FBXL13: variants seen among roughly 807,000 people sequenced by gnomAD.
FBXL13 encodes the protein F-box and leucine rich repeat protein 13, also known as F-box and leucine-rich repeat protein 13.
Under a neutral mutation model 83.6 loss-of-function variants are expected in FBXL13, and 67 were observed. That is an observed-to-expected ratio of 0.80 (90% CI 0.66 to 0.98). FBXL13 has a LOEUF of 0.98. Ranked by LOEUF, FBXL13 falls within the 50% of genes least tolerant of loss-of-function variation. The pLI is 0.00. For missense variants in FBXL13, 822 were observed against 866.5 expected (o/e 0.95, Z 0.64); for synonymous variants, 272 against 299.5 (o/e 0.91, Z 0.95).
At position 102,915,124 on chromosome 7, in the gene FBXL13, T is replaced by TATC. The variant is rs778077563; in HGVS notation, c.879-1910_879-1909insGAT. 8.3e-4 allele frequency among the ~76,000 whole-genome samples: 114 copies of TATC among 137,844 alleles called. 1 individual carries two copies. Among genetic ancestry groups the TATC allele is most frequent in the African/African-American group, 3.3e-3 (114 of 34,328 alleles). The allele number at this position is 137,844 out of a possible 152,430, so 90.4% of individuals were successfully genotyped here. ...ATTTGTTAAGTGGAGATTAAAATAT[T>TATC]TTTTTTTTTTTTTTTTTTACACTGA... On this transcript the variant is annotated intron_variant, in intron 10 of 19. Transcript: ENST00000313221.
At position 103,027,447 on chromosome 7, in the gene FBXL13, A is replaced by G. The variant is rs746676214; in HGVS notation, c.327+2T>C. The G allele has an allele frequency of 8.1e-6, 13 of 1,600,762 alleles. No individual in the cohort carries two copies. In the South Asian group the frequency reaches 1.3e-4, roughly 16 times the overall value. On this transcript the variant is annotated splice_donor_variant, in intron 5 of 19. Transcript: ENST00000313221. LOFTEE classifies it high-confidence loss of function. ...TTAAAAAATTGTTTCAATATACAAT[A>G]CCAGCTCATCTTCTTTCTTTTTACT...
At chr7:102,927,347 CTG>C (rs1203976740) in intron 9 of FBXL13, among the ~76,000 whole-genome samples, 4 of 152,140 alleles carry the variant, frequency 2.6e-5, no homozygotes, top group African/African-American at 9.7e-5. Flanking sequence ...ATCTATCTGT[CTG>C]GAAGAGGTAA....
At chr7:102,876,386 C>G (rs1809265164) in intron 16 of FBXL13, among the ~76,000 whole-genome samples, 1 of 152,116 alleles carries the variant, frequency 6.6e-6, no homozygotes, top group African/African-American at 2.4e-5. Flanking sequence ...CTCCATGGTA[C>G]TGCTTCCTAC....
intron 8 of FBXL13, among the ~76,000 whole-genome samples, chr7:102,960,369 G>A (rs1226226546): frequency 6.6e-6 from 1 of 152,048 alleles, no homozygotes; most frequent in Admixed American, 6.6e-5. Flanking sequence ...AAGAGTCCAG[G>A]ACCAGATGGA....
intron 6 of FBXL13, among the ~76,000 whole-genome samples, chr7:103,008,559 CT>C (rs1554498730): frequency 1.3e-5 from 2 of 151,732 alleles, no homozygotes; most frequent in South Asian, 2.1e-4. Flanking sequence ...ATATAATTGA[CT>C]TTTTTTTTCT....
At chr7:102,959,137 C>T (rs1046758674) in intron 8 of FBXL13, among the ~76,000 whole-genome samples, 1 of 152,046 alleles carries the variant, frequency 6.6e-6, no homozygotes, top group Non-Finnish European at 1.5e-5. Context: ...AATCAATTGA[C>T]AAGCTATTAA....
At chr7:103,024,833 G>GTA (rs1232363692) in intron 6 of FBXL13, among the ~76,000 whole-genome samples, 1,540 of 95,838 alleles carry the variant, frequency 0.016, 29 homozygotes, top group Non-Finnish European at 0.02. Flanking sequence ...ATATATATGT[G>GTA]TATATATATA....
chr7:102,934,204 GAAC>G (rs1160619264), intron 8 of FBXL13: 31 of 1,614,102 alleles, frequency 1.9e-5, no homozygotes, highest in African/African-American at 4.0e-5. Flanking sequence ...GCACATTGAA[GAAC>G]AACATGTTTT....
At chr7:103,057,171 A>G (rs1368536251) in intron 1 of FBXL13, among the ~76,000 whole-genome samples, 1 of 152,218 alleles carries the variant, frequency 6.6e-6, no homozygotes, top group East Asian at 1.9e-4. Flanking sequence ...GTTTTAAAGT[A>G]AATGTGTTTT....
intron 16 of FBXL13, among the ~76,000 whole-genome samples, chr7:102,861,342 G>A (rs1255276719): frequency 6.6e-6 from 1 of 151,626 alleles, no homozygotes; most frequent in East Asian, 1.9e-4. Context: ...TAAGGGTCTA[G>A]GCCAGTTATT....
At chr7:102,875,663 A>G (rs1304811776) in intron 16 of FBXL13, among the ~76,000 whole-genome samples, 1 of 152,082 alleles carries the variant, frequency 6.6e-6, no homozygotes, top group Non-Finnish European at 1.5e-5. Context: ...AAAACTGAGG[A>G]GATTTAATTT....
intron 11 of FBXL13, among the ~76,000 whole-genome samples, chr7:102,912,679 C>A (rs568427814): frequency 1.4e-5 from 2 of 138,682 alleles, no homozygotes; most frequent in South Asian, 2.5e-4. Flanking sequence ...TTACCCCCCC[C>A]CCCCCAAAAA....
chr7:102,901,091 A>C (rs1812912151), intron 11 of FBXL13, among the ~76,000 whole-genome samples: 1 of 152,174 alleles, frequency 6.6e-6, no homozygotes, highest in Admixed American at 6.6e-5. Flanking sequence ...CGAGGGAGGG[A>C]GGCTGACTTA....
rs1382937732 is a variant in FBXL13, at chr7:102,977,468, AC to A, written c.496-9352del. Among the ~76,000 whole-genome samples the A allele has an allele frequency of 5.3e-5, 8 of 152,226 alleles. No homozygotes were observed. In the East Asian group the frequency reaches 1.5e-3, roughly 29 times the overall value. On this transcript the variant is annotated intron_variant, in intron 6 of 19. Transcript: ENST00000313221. ...CAAACATCAGAAAAGTAGCCCATGT[AC>A]CAGTCCAAACCTGGAAAGGATGGGA...
chr7:102,825,944 C>T (rs1488118774), intron 18 of FBXL13, among the ~76,000 whole-genome samples: 2 of 152,162 alleles, frequency 1.3e-5, no homozygotes, highest in Non-Finnish European at 2.9e-5. Flanking sequence ...TGCCACAGAA[C>T]TAAAGGAGAA....
intron 10 of FBXL13, among the ~76,000 whole-genome samples, chr7:102,919,957 A>G (rs1263326001): frequency 2.0e-5 from 3 of 152,242 alleles, no homozygotes; most frequent in African/African-American, 7.2e-5. Flanking sequence ...TAATTACAAT[A>G]TTGAGTGCAA....
intron 11 of FBXL13, among the ~76,000 whole-genome samples, chr7:102,896,557 A>G (rs1477445674): frequency 2.0e-5 from 3 of 152,202 alleles, no homozygotes; most frequent in African/African-American, 7.2e-5. Flanking sequence ...ACAGAAATGT[A>G]TTCTCTGGTT....
rs1318981198 is a variant in FBXL13 at position 102,856,478 on chromosome 7, CAAGTTAGAATTTTTTAAGAT to C, written c.1636-1638_1636-1619del. Among the ~76,000 whole-genome samples, 40 of 152,206 alleles carry C rather than the reference CAAGTTAGAATTTTTTAAGAT, an allele frequency of 2.6e-4. 1 individual carries two copies. Among genetic ancestry groups the C allele is most frequent in the African/African-American group, 9.1e-4 (38 of 41,538 alleles). On this transcript the variant is annotated intron_variant, in intron 16 of 19. Transcript: ENST00000313221. ...CACTTAGATTTCACTTTTATGTAGT[CAAGTTAGAATTTTTTAAGAT>C]AAGCTGTAAATGAAGTGCATTTGCT...
chr7:103,001,119 TA>T (rs1270404702), intron 6 of FBXL13, among the ~76,000 whole-genome samples: 13 of 147,182 alleles, frequency 8.8e-5, no homozygotes, highest in African/African-American at 2.7e-4. Flanking sequence ...TCTATATATA[TA>T]TTTTTTTTTG....
Sources: gnomAD v4.1 joint callset for allele counts (sites outside exome capture counted in the v4.1 genomes callset) on GRCh38, gnomAD v4.1.1 for gene constraint, MANE v1.5 for transcripts, NCBI Gene and HGNC (gene_info 2026-07-23, HGNC 2026-07-21) for gene names.